The following ASTN2 variants were observed in gnomAD, a reference collection of about 807,000 sequenced individuals.
ASTN2 encodes astrotactin-2.
A neutral mutation model predicts 139.8 loss-of-function variants in ASTN2; 54 were observed. The observed-to-expected ratio is 0.39, with a 90% confidence interval of 0.31 to 0.48. The LOEUF (loss-of-function observed/expected upper bound fraction) is 0.48, where lower values mean the gene tolerates loss of function less well. Among genes scored for constraint, ASTN2 ranks in the 20% least tolerant of loss-of-function variants. The pLI, the probability that ASTN2 is intolerant of heterozygous loss-of-function variation, is 0.95. For synonymous variants in ASTN2, 756 were observed against 719.5 expected, an observed-to-expected ratio of 1.05 and a Z score of -0.81; for missense variants, 1,565 against 1,725.1, an observed-to-expected ratio of 0.91 and a Z score of 1.64.
At chr9:117,296,301 A>AG (rs1834735779) in intron 1 of ASTN2, among the ~76,000 whole-genome samples, 1 of 112,700 alleles carries the variant, frequency 8.9e-6, no homozygotes, top group Non-Finnish European at 2.1e-5. Flanking sequence ...AAAAAAAAAA[A>AG]AAGAAAGAAA....
chr9:117,055,185 C>A (rs989063282), intron 5 of ASTN2, among the ~76,000 whole-genome samples: 6 of 152,194 alleles, frequency 3.9e-5, no homozygotes, highest in Non-Finnish European at 8.8e-5. Flanking sequence ...ACTGTGCAAA[C>A]CTGAAACACA....
intron 16 of ASTN2, among the ~76,000 whole-genome samples, chr9:116,658,930 T>C (rs544394940): frequency 6.6e-6 from 1 of 152,206 alleles, no homozygotes; most frequent in East Asian, 1.9e-4. Flanking sequence ...TGAAAGTATG[T>C]TAGCAATGTA....
intron 4 of ASTN2, among the ~76,000 whole-genome samples, chr9:117,098,929 G>A (rs1454199284): frequency 6.6e-6 from 1 of 152,008 alleles, no homozygotes; most frequent in African/African-American, 2.4e-5. Flanking sequence ...GCAACACGGT[G>A]AAACCCCGTC....
At chr9:117,065,757 T>C (rs1468054933) in intron 5 of ASTN2, among the ~76,000 whole-genome samples, 2 of 152,196 alleles carry the variant, frequency 1.3e-5, no homozygotes, top group African/African-American at 4.8e-5. Context: ...TGCCTATCTA[T>C]CAACCTTTCC....
intron 10 of ASTN2, among the ~76,000 whole-genome samples, chr9:116,899,176 A>G (rs894542259): frequency 1.3e-5 from 2 of 152,226 alleles, no homozygotes; most frequent in Admixed American, 6.5e-5. Context: ...GTGATTATCA[A>G]TGAGGAGGCA....
chr9:116,932,290 A>G (rs1450617963), intron 10 of ASTN2, among the ~76,000 whole-genome samples: 1 of 152,194 alleles, frequency 6.6e-6, no homozygotes, highest in Admixed American at 6.5e-5. Context: ...AGACAGACAC[A>G]CAGCCAGGTA....
intron 13 of ASTN2, among the ~76,000 whole-genome samples, chr9:116,785,752 T>C (rs897186618): frequency 2.0e-5 from 3 of 152,098 alleles, no homozygotes; most frequent in Non-Finnish European, 2.9e-5. Flanking sequence ...CCCACCTCTC[T>C]CCATGCTGAC....
intron 1 of ASTN2, among the ~76,000 whole-genome samples, chr9:117,383,464 G>A (rs1046753146): frequency 6.6e-6 from 1 of 151,982 alleles, no homozygotes; most frequent in Admixed American, 6.6e-5. Flanking sequence ...GTGCACTTGA[G>A]TGTTTACATT....
At chr9:116,907,838 G>A (rs960300524) in intron 10 of ASTN2, among the ~76,000 whole-genome samples, 5 of 152,160 alleles carry the variant, frequency 3.3e-5, no homozygotes, top group African/African-American at 1.2e-4. Flanking sequence ...TGGGTCCGAA[G>A]CCTCCTGGGC....
chr9:116,844,789 TG>T (rs1832378504), intron 11 of ASTN2, among the ~76,000 whole-genome samples: 1 of 152,164 alleles, frequency 6.6e-6, no homozygotes, highest in African/African-American at 2.4e-5. Flanking sequence ...TGAGTTCCAA[TG>T]AAATACCAAC....
intron 11 of ASTN2, among the ~76,000 whole-genome samples, chr9:116,851,718 G>T (rs1832613934): frequency 6.6e-6 from 1 of 151,756 alleles, no homozygotes; most frequent in South Asian, 2.1e-4. Flanking sequence ...CCTAAATAAG[G>T]CAACAACAAA....
chr9:116,928,797 T>G (rs770420416), intron 10 of ASTN2, among the ~76,000 whole-genome samples: 2 of 152,102 alleles, frequency 1.3e-5, no homozygotes, highest in South Asian at 4.1e-4. Context: ...ATTAAGGGCG[T>G]TCATAGCAAC....
intron 11 of ASTN2, among the ~76,000 whole-genome samples, chr9:116,824,936 C>T (rs1564287881): frequency 6.6e-6 from 1 of 152,018 alleles, no homozygotes; most frequent in Non-Finnish European, 1.5e-5. Flanking sequence ...GCAAACTAGG[C>T]AATATTGAAA....
intron 22 of ASTN2, among the ~76,000 whole-genome samples, chr9:116,433,386 C>A (rs1296073345): frequency 6.6e-6 from 1 of 152,176 alleles, no homozygotes; most frequent in Non-Finnish European, 1.5e-5. Context: ...TGGTTGTAGA[C>A]ATGAACATAT....
chr9:116,535,415 TG>T (rs1394541678), intron 19 of ASTN2, among the ~76,000 whole-genome samples: 1 of 152,186 alleles, frequency 6.6e-6, no homozygotes, highest in African/African-American at 2.4e-5. Context: ...TGATGTTAGC[TG>T]GTTATTTTGT....
intron 19 of ASTN2, among the ~76,000 whole-genome samples, chr9:116,590,866 GTCTCC>G (rs1240833529): frequency 3.9e-5 from 6 of 152,082 alleles, no homozygotes; most frequent in Non-Finnish European, 8.8e-5. Flanking sequence ...CCCATTGTAG[GTCTCC>G]TCTCTGCTGA....
At chr9:117,121,275 T>C (rs1829551843) in intron 4 of ASTN2, among the ~76,000 whole-genome samples, 1 of 152,188 alleles carries the variant, frequency 6.6e-6, no homozygotes, top group African/African-American at 2.4e-5. Context: ...AGGAAAAATA[T>C]GTTCAAGATT....
Position 116,820,603 on chromosome 9 carries a change from G to A in ASTN2, c.2207+14C>T. 1.2e-6 allele frequency: 2 copies of A among 1,611,188 alleles called. No homozygotes were observed. The highest frequency in any genetic ancestry group is 2.2e-5 in the East Asian group (1 of 44,808). ...TGTAAATGGGGCACCTGGGCCTTGG[G>A]GACAGAGACTCACCCGCAGAACATG... On this transcript the variant is annotated intron_variant, in intron 12 of 22. Transcript: ENST00000313400.
chr9:116,517,278 C>T (rs1850690843), intron 19 of ASTN2, among the ~76,000 whole-genome samples: 1 of 152,232 alleles, frequency 6.6e-6, no homozygotes, highest in Non-Finnish European at 1.5e-5. Context: ...CCTGCTACCT[C>T]CACTGGAGCA....
Sources: allele counts gnomAD v4.1 joint callset (sites outside exome capture counted in the v4.1 genomes callset), GRCh38; gene constraint gnomAD v4.1.1; transcripts MANE v1.5; gene names NCBI Gene and HGNC (gene_info 2026-07-23, HGNC 2026-07-21).